The following EYA1 variants were observed in gnomAD, a reference collection of about 807,000 sequenced individuals.
EYA1 encodes the protein EYA transcriptional coactivator and phosphatase 1, also known as protein phosphatase EYA1.
Under a neutral mutation model 82.0 loss-of-function variants are expected in EYA1, and 16 were observed. That is an observed-to-expected ratio of 0.20 (90% CI 0.13 to 0.30). The LOEUF (loss-of-function observed/expected upper bound fraction) is 0.30, where lower values mean the gene tolerates loss of function less well. Among genes scored for constraint, EYA1 ranks in the 10% least tolerant of loss-of-function variants. EYA1 has a pLI of 1.00. For missense variants in EYA1, 633 were observed against 730.7 expected, an observed-to-expected ratio of 0.87 and a Z score of 1.54; for synonymous variants, 261 against 264.4, an observed-to-expected ratio of 0.99 and a Z score of 0.12.
At chr8:71,351,894 A>G (rs1366088544) in intron 3 of EYA1, among the ~76,000 whole-genome samples, 4 of 152,220 alleles carry the variant, frequency 2.6e-5, no homozygotes, top group African/African-American at 9.6e-5. Context: ...GAGTGAAAAA[A>G]GACAACCTAT....
chr8:71,358,448 T>C (rs544111058), intron 1 of EYA1, among the ~76,000 whole-genome samples: 2 of 152,344 alleles, frequency 1.3e-5, no homozygotes, highest in East Asian at 3.9e-4. Flanking sequence ...TCAGGGATTA[T>C]TTAAACCATG....
intron 7 of EYA1, among the ~76,000 whole-genome samples, chr8:71,308,693 T>A (rs1683881985): frequency 6.6e-6 from 1 of 150,624 alleles, no homozygotes; most frequent in South Asian, 2.1e-4. Flanking sequence ...CAGTTATAAC[T>A]TCAAAAAGCT....
At chr8:71,365,327 A>C (rs1056259865), upstream of EYA1, among the ~76,000 whole-genome samples, 4 of 152,082 alleles carry the variant, frequency 2.6e-5, no homozygotes, top group Non-Finnish European at 4.4e-5. Flanking sequence ...TTTACTTTGA[A>C]ATAACGTTAG....
At chr8:71,344,560 TCA>T (rs1222266542) in intron 3 of EYA1, among the ~76,000 whole-genome samples, 5 of 152,214 alleles carry the variant, frequency 3.3e-5, no homozygotes, top group African/African-American at 1.2e-4. Context: ...TAGTCCATGA[TCA>T]CACAGTTTCA....
chr8:71,398,486 T>C (rs1829763364), intron 2 of EYA1, among the ~76,000 whole-genome samples: 1 of 152,218 alleles, frequency 6.6e-6, no homozygotes, highest in Non-Finnish European at 1.5e-5. Context: ...GGTGTGGATG[T>C]CCTTTCTGTT....
At chr8:71,480,148 A>G (rs1053972640) in intron 2 of EYA1, among the ~76,000 whole-genome samples, 2 of 152,208 alleles carry the variant, frequency 1.3e-5, no homozygotes, top group Non-Finnish European at 2.9e-5. Flanking sequence ...TCCATAACGT[A>G]TTGTTACAGT....
intron 2 of EYA1, among the ~76,000 whole-genome samples, chr8:71,430,498 GA>G (rs1345135517): frequency 2.0e-5 from 3 of 152,174 alleles, no homozygotes; most frequent in African/African-American, 7.2e-5. Flanking sequence ...TGAGAATCTT[GA>G]AAAAGAGGTG....
intron 2 of EYA1, among the ~76,000 whole-genome samples, chr8:71,446,233 C>G (rs1379416257): frequency 6.6e-6 from 1 of 152,040 alleles, no homozygotes; most frequent in African/African-American, 2.4e-5. Flanking sequence ...CCATAATCCC[C>G]AGGTGTTGAG....
chr8:71,530,138 G>A (rs1814149555), intron 2 of EYA1, among the ~76,000 whole-genome samples: 1 of 152,128 alleles, frequency 6.6e-6, no homozygotes, highest in Non-Finnish European at 1.5e-5. Flanking sequence ...ATTAAGATAG[G>A]CCCTAATCTA....
Position 71,471,509 on chromosome 8 carries a change from T to C in EYA1, c.33+64235A>G, listed in dbSNP as rs141781511. Among the ~76,000 whole-genome samples, 10 of 152,204 alleles carry C rather than the reference T, an allele frequency of 6.6e-5. 1 individual carries two copies. Among genetic ancestry groups the C allele is most frequent in the East Asian group, 3.9e-4 (2 of 5,190 alleles). On this transcript the variant is annotated intron_variant, in intron 2 of 18. Coordinates refer to the EYA1 transcript ENST00000643681. Reference sequence around the variant, plus strand: ...TATATATAGGACATCTATATGTAGATGATCAGCTAAATTAAACCTGGGAAA... The same window carrying C: ...TATATATAGGACATCTATATGTAGACGATCAGCTAAATTAAACCTGGGAAA...
chr8:71,301,928 A>G (rs1820244063), intron 7 of EYA1, among the ~76,000 whole-genome samples: 1 of 152,070 alleles, frequency 6.6e-6, no homozygotes, highest in African/African-American at 2.4e-5. Context: ...TTTTTTAAAC[A>G]TTGTCCCTTA....
intron 2 of EYA1, among the ~76,000 whole-genome samples, chr8:71,467,444 G>A (rs1808863438): frequency 6.6e-6 from 1 of 152,060 alleles, no homozygotes; most frequent in Non-Finnish European, 1.5e-5. Context: ...AAAATTACTA[G>A]TACCTGGGAA....
chr8:71,473,821 C>A (rs986745153), intron 2 of EYA1, among the ~76,000 whole-genome samples: 31 of 152,124 alleles, frequency 2.0e-4, no homozygotes, highest in African/African-American at 7.5e-4. Context: ...CAATGATAGA[C>A]TGGATAAAGA....
intron 9 of EYA1, among the ~76,000 whole-genome samples, chr8:71,275,706 TTTAGA>T (rs562285643): frequency 7.9e-5 from 12 of 152,148 alleles, no homozygotes; most frequent in Non-Finnish European, 1.6e-4. Flanking sequence ...ATCTGAGTAC[TTTAGA>T]TTAGAGTCAA....
At chr8:71,346,006 G>A (rs990295825) in intron 3 of EYA1, among the ~76,000 whole-genome samples, 6 of 150,752 alleles carry the variant, frequency 4.0e-5, no homozygotes, top group East Asian at 3.9e-4. Flanking sequence ...ACACACACAC[G>A]TGCACACGTG....
At chr8:71,278,951 A>C (rs1243499117) in intron 9 of EYA1, among the ~76,000 whole-genome samples, 2 of 152,174 alleles carry the variant, frequency 1.3e-5, no homozygotes, top group African/African-American at 4.8e-5. Context: ...GTGAGGTGAA[A>C]GACTACTCTC....
chr8:71,406,249 A>C (rs926464670), intron 2 of EYA1, among the ~76,000 whole-genome samples: 1 of 152,258 alleles, frequency 6.6e-6, no homozygotes, highest in African/African-American at 2.4e-5. Flanking sequence ...AGACATTTTC[A>C]TTCCCATCAA....
rs369594241 is a variant in EYA1 at position 71,459,969 on chromosome 8, A to G, written c.33+75775T>C. Among the ~76,000 whole-genome samples the G allele has an allele frequency of 7.9e-5, 12 of 152,332 alleles. No individual in the cohort carries two copies. In the East Asian group the frequency reaches 1.5e-3, roughly 20 times the overall value. On this transcript the variant is annotated intron_variant, in intron 2 of 18. Transcript: ENST00000643681. ...AATATCTCTCCTAAGAATTTTCAAAATTGATTTAAGTAATTTTCATCACAT... is the reference window on the plus strand; with the variant it reads ...AATATCTCTCCTAAGAATTTTCAAAGTTGATTTAAGTAATTTTCATCACAT...
intron 2 of EYA1, among the ~76,000 whole-genome samples, chr8:71,441,498 A>G (rs2129170806): frequency 6.6e-6 from 1 of 152,338 alleles, no homozygotes; most frequent in East Asian, 1.9e-4. Context: ...CCATAGAAAT[A>G]AAACTGAAAT....
Sources: gnomAD v4.1 joint callset for allele counts (sites outside exome capture counted in the v4.1 genomes callset) on GRCh38, gnomAD v4.1.1 for gene constraint, MANE v1.5 for transcripts, NCBI Gene and HGNC (gene_info 2026-07-23, HGNC 2026-07-21) for gene names.